RABGAP1: variants seen among roughly 807,000 people sequenced by gnomAD.
The protein encoded by RABGAP1 is RAB GTPase activating protein 1, also known as rab GTPase-activating protein 1.
Under a neutral mutation model 137.6 loss-of-function variants are expected in RABGAP1, and 23 were observed. The ratio of observed to expected loss-of-function variants is 0.17; its 90% CI spans 0.12 to 0.24. The LOEUF is 0.24. RABGAP1 is among the 10% of genes least tolerant of loss of function. The pLI, the probability that RABGAP1 is intolerant of heterozygous loss-of-function variation, is 1.00. For synonymous variants in RABGAP1, 451 were observed against 450.7 expected (o/e 1.00, Z -0.01); for missense variants, 906 against 1,275.8 (o/e 0.71, Z 4.42).
chr9:123,064,040 TCTCA>T (rs1347366788), intron 13 of RABGAP1, among the ~76,000 whole-genome samples: 2 of 151,010 alleles, frequency 1.3e-5, no homozygotes, highest in African/African-American at 2.4e-5. Context: ...TCTCACTCGC[TCTCA>T]CTCTCACTCT....
intron 13 of RABGAP1, among the ~76,000 whole-genome samples, chr9:123,024,827 A>G (rs2031862452): frequency 6.6e-6 from 1 of 152,160 alleles, no homozygotes; most frequent in Admixed American, 6.5e-5. Context: ...TTATCTATGA[A>G]GTCTTTTTAA....
chr9:122,965,526 G>A (rs1052083171), intron 2 of RABGAP1, among the ~76,000 whole-genome samples: 37 of 152,156 alleles, frequency 2.4e-4, no homozygotes, highest in Non-Finnish European at 1.5e-5. Context: ...TGGGATTACA[G>A]GCATGCACCA....
chr9:123,040,143 G>T (rs1281902878), intron 13 of RABGAP1, among the ~76,000 whole-genome samples: 11 of 152,074 alleles, frequency 7.2e-5, no homozygotes, highest in African/African-American at 2.4e-5. Context: ...TGTTTCTTGT[G>T]GAAAAATTCT....
intron 1 of RABGAP1, among the ~76,000 whole-genome samples, chr9:122,944,232 T>G (rs1222668708): frequency 6.6e-6 from 1 of 151,840 alleles, no homozygotes; most frequent in Non-Finnish European, 1.5e-5. Context: ...CAACACACTT[T>G]TTTTTTTTTT....
chr9:123,065,786 T>A (rs1016233186), intron 14 of RABGAP1, among the ~76,000 whole-genome samples: 4 of 152,228 alleles, frequency 2.6e-5, no homozygotes, highest in Non-Finnish European at 4.4e-5. Flanking sequence ...TCCTTTTCAG[T>A]ATTCACTTTA....
At chr9:123,029,744 TG>T in intron 13 of RABGAP1, 1 of 625,016 alleles carries the variant, frequency 1.6e-6, no homozygotes. Flanking sequence ...TTGTAGTCCT[TG>T]GGTGGCATCG....
chr9:123,053,581 T>A (rs533255666), intron 13 of RABGAP1, among the ~76,000 whole-genome samples: 1 of 152,358 alleles, frequency 6.6e-6, no homozygotes, highest in Non-Finnish European at 1.5e-5. Context: ...CAAAAATTGT[T>A]ACTTTATTCC....
chr9:123,046,298 G>A (rs913340985), intron 13 of RABGAP1, among the ~76,000 whole-genome samples: 1 of 152,176 alleles, frequency 6.6e-6, no homozygotes, highest in Non-Finnish European at 1.5e-5. Flanking sequence ...GGCTGAAGCG[G>A]TAAAGAGGGG....
At chr9:123,065,679 A>G (rs1007753248) in intron 14 of RABGAP1, 3 of 472,776 alleles carry the variant, frequency 6.3e-6, no homozygotes, top group Non-Finnish European at 7.7e-6. Flanking sequence ...TTCCCCTTCT[A>G]ATCAGGATTT....
the RABGAP1 span, among the ~76,000 whole-genome samples, chr9:122,934,081 C>T: frequency 9.9e-3 from 1,382 of 139,638 alleles, 30 homozygotes; most frequent in African/African-American, 0.035. Flanking sequence ...CTTTTCTTTT[C>T]TTTTTTTTTT....
intron 2 of RABGAP1, among the ~76,000 whole-genome samples, chr9:122,981,661 GT>G (rs1385999253): frequency 2.0e-5 from 3 of 152,156 alleles, no homozygotes; most frequent in Non-Finnish European, 4.4e-5. Context: ...GCATGTCAAA[GT>G]TTCAGAACCT....
intron 16 of RABGAP1, 74 bp from the exon 17 acceptor site, chr9:123,074,211 T>G: frequency 6.4e-7 from 1 of 1,568,396 alleles, no homozygotes; most frequent in Admixed American, 1.9e-5. Context: ...CTATTCCTGG[T>G]AGATTTATGA....
Position 123,020,296 on chromosome 9 carries a change from G to T in RABGAP1, c.1644-13G>T, listed in dbSNP as rs941157951. 2.4e-5 allele frequency: 37 copies of T among 1,515,000 alleles called. No homozygotes were observed. In the Admixed American group the frequency reaches 4.7e-4, roughly 19 times the overall value. 93.8% of individuals were successfully genotyped at this position (1,515,000 alleles called of 1,614,324 possible). ...TTCCTTTTATGATTTATGGTTTATG[G>T]CCTTATTTTTAGGCATCTCAACTTG... On this transcript the variant is annotated splice_polypyrimidine_tract_variant and intron_variant, in intron 12 of 25. Transcript: ENST00000373647.
At chr9:122,949,693 CA>C (rs60115483) in intron 1 of RABGAP1, among the ~76,000 whole-genome samples, 292 of 54,810 alleles carry the variant, frequency 5.3e-3, no homozygotes, top group South Asian at 0.019. Context: ...GACTCTGTCT[CA>C]AAAAAAAAAA....
chr9:122,970,646 C>T (rs535043550), intron 2 of RABGAP1, among the ~76,000 whole-genome samples: 47 of 152,172 alleles, frequency 3.1e-4, no homozygotes, highest in Non-Finnish European at 5.9e-4. Flanking sequence ...CCTCAGTGTC[C>T]ATTGTTCCCA....
chr9:123,007,256 G>T (rs1421339068), intron 10 of RABGAP1, among the ~76,000 whole-genome samples: 1 of 151,352 alleles, frequency 6.6e-6, no homozygotes, highest in East Asian at 2.0e-4. Context: ...TGTATTTTTA[G>T]TACAGATGGG....
chr9:123,052,804 A>ATG (rs1254208344), intron 13 of RABGAP1, among the ~76,000 whole-genome samples: 1 of 152,084 alleles, frequency 6.6e-6, no homozygotes, highest in East Asian at 1.9e-4. Flanking sequence ...GCTGGGCATG[A>ATG]TGGTGCACGC....
At chr9:122,977,527 C>T (rs931385434) in intron 2 of RABGAP1, among the ~76,000 whole-genome samples, 5 of 152,028 alleles carry the variant, frequency 3.3e-5, no homozygotes, top group Non-Finnish European at 5.9e-5. Context: ...CATGGTGAAA[C>T]CCACCCCATC....
At chr9:122,941,349 C>T (rs897657346) in intron 1 of RABGAP1, among the ~76,000 whole-genome samples, 22 of 152,228 alleles carry the variant, frequency 1.4e-4, no homozygotes, top group Admixed American at 6.5e-5. Context: ...ACCGGTTCCC[C>T]CTGTCTGTGT....
Sources: allele counts gnomAD v4.1 joint callset (sites outside exome capture counted in the v4.1 genomes callset), GRCh38; gene constraint gnomAD v4.1.1; transcripts MANE v1.5; gene names NCBI Gene and HGNC (gene_info 2026-07-23, HGNC 2026-07-21).